DENND1A: variants seen among roughly 807,000 people sequenced by gnomAD.
The protein encoded by DENND1A is DENN domain-containing protein 1A.
In DENND1A, 51 loss-of-function variants were observed where a neutral mutation model predicts 113.7. That is an observed-to-expected ratio of 0.45 (90% CI 0.36 to 0.57). The LOEUF is 0.57. DENND1A is among the 20% of genes least tolerant of loss of function. The pLI, the probability that DENND1A is intolerant of heterozygous loss-of-function variation, is 0.00. For synonymous variants in DENND1A, 565 were observed against 570.8 expected, an observed-to-expected ratio of 0.99 and a Z score of 0.14; for missense variants, 1,258 against 1,395.9, an observed-to-expected ratio of 0.90 and a Z score of 1.57.
At chr9:123,444,821 C>T (rs2047180018) in intron 18 of DENND1A, among the ~76,000 whole-genome samples, 1 of 152,158 alleles carries the variant, frequency 6.6e-6, no homozygotes, top group African/African-American at 2.4e-5. Context: ...AAAAACCTGA[C>T]CTTCTAAATG....
intron 5 of DENND1A, among the ~76,000 whole-genome samples, chr9:123,692,303 T>G (rs1589689412): frequency 6.6e-6 from 1 of 152,242 alleles, no homozygotes; most frequent in Non-Finnish European, 1.5e-5. Flanking sequence ...AACCACATTT[T>G]GAATGATTTT....
At chr9:123,425,479 T>C (rs979253725) in intron 19 of DENND1A, among the ~76,000 whole-genome samples, 1 of 152,222 alleles carries the variant, frequency 6.6e-6, no homozygotes, top group African/African-American at 2.4e-5. Context: ...GCAGAACAAG[T>C]CACTGCCTTT....
At chr9:123,591,938 G>T (rs895756327) in intron 11 of DENND1A, among the ~76,000 whole-genome samples, 1 of 152,196 alleles carries the variant, frequency 6.6e-6, no homozygotes, top group Non-Finnish European at 1.5e-5. Flanking sequence ...TTAACACAGC[G>T]ATTAAGACTG....
intron 13 of DENND1A, among the ~76,000 whole-genome samples, chr9:123,545,168 G>A (rs2056576802): frequency 6.6e-6 from 1 of 151,972 alleles, no homozygotes; most frequent in Admixed American, 6.5e-5. Flanking sequence ...CTATGTATCA[G>A]GTTCTGTGCC....
intron 11 of DENND1A, among the ~76,000 whole-genome samples, chr9:123,598,679 T>C (rs1292737340): frequency 2.0e-5 from 3 of 152,188 alleles, no homozygotes; most frequent in Non-Finnish European, 4.4e-5. Flanking sequence ...CCAAAAATCA[T>C]AGCTATCTTT....
chr9:123,579,030 C>T (rs1229504173), intron 12 of DENND1A, among the ~76,000 whole-genome samples: 1 of 152,078 alleles, frequency 6.6e-6, no homozygotes, highest in Non-Finnish European at 1.5e-5. Flanking sequence ...TAAAAACCTA[C>T]AGTACAGAGT....
At chr9:123,647,031 T>C (rs1230201343) in intron 9 of DENND1A, among the ~76,000 whole-genome samples, 1 of 152,202 alleles carries the variant, frequency 6.6e-6, no homozygotes, top group Non-Finnish European at 1.5e-5. Context: ...CACTGTCTTC[T>C]GGTTTCCAGA....
intron 1 of DENND1A, among the ~76,000 whole-genome samples, chr9:123,903,888 C>A: frequency 6.6e-6 from 1 of 152,128 alleles, no homozygotes; most frequent in Admixed American, 6.5e-5. Context: ...AGGAGGCCTG[C>A]CTGCCTCTGT....
intron 9 of DENND1A, among the ~76,000 whole-genome samples, chr9:123,635,765 A>T (rs1421654920): frequency 4.6e-5 from 7 of 152,234 alleles, no homozygotes; most frequent in Non-Finnish European, 1.0e-4. Context: ...AAAGGTTTAC[A>T]TTCCTTTTTG....
At chr9:123,481,471 G>A (rs1023541701) in intron 13 of DENND1A, among the ~76,000 whole-genome samples, 11 of 152,212 alleles carry the variant, frequency 7.2e-5, no homozygotes, top group South Asian at 2.1e-4. Flanking sequence ...CGAAGAGGCC[G>A]TCCTTCACTC....
At chr9:123,775,503 G>A (rs1830332493) in intron 3 of DENND1A, among the ~76,000 whole-genome samples, 1 of 151,810 alleles carries the variant, frequency 6.6e-6, no homozygotes, top group Non-Finnish European at 1.5e-5. Flanking sequence ...TTGCCCTTAG[G>A]AAGATACTAT....
At chr9:123,514,337 T>C (rs2053717301) in intron 13 of DENND1A, among the ~76,000 whole-genome samples, 1 of 151,170 alleles carries the variant, frequency 6.6e-6, no homozygotes, top group Admixed American at 6.6e-5. Flanking sequence ...GAGGAGGATG[T>C]TTATGTGAGA....
chr9:123,397,356 T>C (rs1342001127), intron 21 of DENND1A, among the ~76,000 whole-genome samples: 1 of 152,212 alleles, frequency 6.6e-6, no homozygotes, highest in Non-Finnish European at 1.5e-5. Flanking sequence ...AGTTTTGCCA[T>C]GTTGGCCAGG....
intron 21 of DENND1A, among the ~76,000 whole-genome samples, chr9:123,392,522 G>A (rs1006598894): frequency 3.3e-5 from 5 of 152,078 alleles, no homozygotes; most frequent in South Asian, 2.1e-4. Flanking sequence ...AGGTGCTGAC[G>A]AGCAGGGACA....
At chr9:123,600,926 G>A (rs945328455) in intron 11 of DENND1A, among the ~76,000 whole-genome samples, 1 of 152,040 alleles carries the variant, frequency 6.6e-6, no homozygotes, top group Non-Finnish European at 1.5e-5. Flanking sequence ...CGAGCTCTCT[G>A]TTACACAGTC....
chr9:123,435,921 A>C (rs1018884145), intron 19 of DENND1A, among the ~76,000 whole-genome samples: 1 of 152,232 alleles, frequency 6.6e-6, no homozygotes, highest in African/African-American at 2.4e-5. Context: ...CAAAGTCTCA[A>C]GTCAGTGCTC....
chr9:123,909,370 TAAAA>T (rs1190158453), intron 1 of DENND1A, among the ~76,000 whole-genome samples: 3 of 135,064 alleles, frequency 2.2e-5, no homozygotes, highest in Non-Finnish European at 4.9e-5. Context: ...AAAAAAACAA[TAAAA>T]AAATAAAATA....
chr9:123,458,362 T>A (rs558652173), intron 13 of DENND1A, among the ~76,000 whole-genome samples: 5 of 152,364 alleles, frequency 3.3e-5, no homozygotes, highest in African/African-American at 1.2e-4. Context: ...TCTAACTATC[T>A]ATTATCTAAT....
At chr9:123,566,471 A>G (rs1215504677) in intron 12 of DENND1A, among the ~76,000 whole-genome samples, 1 of 152,064 alleles carries the variant, frequency 6.6e-6, no homozygotes, top group Non-Finnish European at 1.5e-5. Context: ...TGGGCTGTGT[A>G]TATGTCAGAA....
Sources: allele counts gnomAD v4.1 joint callset (sites outside exome capture counted in the v4.1 genomes callset), GRCh38; gene constraint gnomAD v4.1.1; transcripts MANE v1.5; gene names NCBI Gene and HGNC (gene_info 2026-07-23, HGNC 2026-07-21).